EPHA6: variants seen among roughly 807,000 people sequenced by gnomAD.
EPHA6 encodes EPH receptor A6.
EPHA6 carries 50 observed loss-of-function variants against 112.0 expected under a neutral mutation model. The ratio of observed to expected loss-of-function variants is 0.45; its 90% CI spans 0.36 to 0.56. The LOEUF (loss-of-function observed/expected upper bound fraction) is 0.56. Among genes scored for constraint, EPHA6 ranks in the 20% least tolerant of loss-of-function variants. The pLI, the probability that EPHA6 is intolerant of heterozygous loss-of-function variation, is 0.00. For missense variants in EPHA6, 1,280 were observed against 1,417.4 expected (o/e 0.90, Z 1.56); for synonymous variants, 529 against 490.7 (o/e 1.08, Z -1.03).
intron 14 of EPHA6, among the ~76,000 whole-genome samples, chr3:97,667,042 T>C (rs1013131617): frequency 6.6e-6 from 1 of 152,226 alleles, no homozygotes; most frequent in Non-Finnish European, 1.5e-5. Context: ...CATTATTTTC[T>C]ACATAATGTA....
In EPHA6 at chr3:96,899,844, CT is replaced by C. The variant is rs148310300; in HGVS notation, c.450+32964del. On this transcript the variant is annotated intron_variant, in intron 2 of 17. Coordinates refer to ENST00000389672, the MANE Select transcript of EPHA6 (RefSeq NM_001080448.3). ...CATAGGGATTTTGGAAATCTGCACA[CT>C]TTTTTTTTCCAATTTCAGGAAATAA... Among the ~76,000 whole-genome samples the C allele has an allele frequency of 1.5e-4, 22 of 151,508 alleles. No homozygotes were observed. In the East Asian group the frequency reaches 3.5e-3, roughly 24 times the overall value.
At chr3:97,329,604 A>G (rs1284542021) in intron 5 of EPHA6, among the ~76,000 whole-genome samples, 5 of 152,030 alleles carry the variant, frequency 3.3e-5, no homozygotes, top group Non-Finnish European at 7.3e-5. Flanking sequence ...TTTTGGCTGC[A>G]TAAATGTCTT....
chr3:97,503,336 T>A (rs2092171865), intron 10 of EPHA6, among the ~76,000 whole-genome samples: 1 of 152,152 alleles, frequency 6.6e-6, no homozygotes, highest in Non-Finnish European at 1.5e-5. Context: ...TTACACAAAT[T>A]CAAATAATAT....
chr3:97,401,687 A>T (rs900365864), intron 5 of EPHA6, among the ~76,000 whole-genome samples: 1 of 150,812 alleles, frequency 6.6e-6, no homozygotes, highest in Non-Finnish European at 1.5e-5. Context: ...GATCTTTATT[A>T]TTTCTTTTCT....
rs532219475 is a variant in EPHA6 at position 97,444,127 on chromosome 3, G to A, written c.1732-4441G>A. Among the ~76,000 whole-genome samples the A allele has an allele frequency of 3.3e-5, 5 of 152,168 alleles. No individual in the cohort carries two copies. In the East Asian group the frequency reaches 9.6e-4, roughly 29 times the overall value. ...ATGAAAACACCTTGTAAATTGTAAAGCTCTACATAAATCATTGTTATTATG... is the reference window on the plus strand; with the variant it reads ...ATGAAAACACCTTGTAAATTGTAAAACTCTACATAAATCATTGTTATTATG... On this transcript the variant is annotated intron_variant, in intron 6 of 17. Transcript: ENST00000389672.
intron 3 of EPHA6, among the ~76,000 whole-genome samples, chr3:97,175,137 C>G (rs538366662): frequency 1.3e-5 from 2 of 152,022 alleles, no homozygotes; most frequent in South Asian, 4.2e-4. Context: ...ATTCCCAGCA[C>G]CATTTGTTGA....
chr3:97,112,902 ATTTCC>A (rs2047767262), intron 3 of EPHA6, among the ~76,000 whole-genome samples: 1 of 152,102 alleles, frequency 6.6e-6, no homozygotes, highest in Non-Finnish European at 1.5e-5. Flanking sequence ...TAACTCAGGT[ATTTCC>A]TTAATAACTC....
At chr3:97,159,253 G>C (rs940706713) in intron 3 of EPHA6, among the ~76,000 whole-genome samples, 3 of 152,084 alleles carry the variant, frequency 2.0e-5, no homozygotes, top group Admixed American at 6.6e-5. Context: ...TTGGTAGTCA[G>C]GATCAATCCC....
chr3:96,833,330 C>T (rs1576089343), intron 1 of EPHA6, among the ~76,000 whole-genome samples: 1 of 151,566 alleles, frequency 6.6e-6, no homozygotes, highest in Middle Eastern at 3.4e-3. Context: ...CAGAAAGCCA[C>T]ACAAAAAACT....
chr3:97,166,134 A>C (rs2076535997), intron 3 of EPHA6, among the ~76,000 whole-genome samples: 1 of 152,144 alleles, frequency 6.6e-6, no homozygotes, highest in Admixed American at 6.6e-5. Flanking sequence ...AGGAAGTTTT[A>C]ATTTAATGGA....
chr3:96,939,149 T>C (rs1479081712), intron 2 of EPHA6, among the ~76,000 whole-genome samples: 1 of 152,198 alleles, frequency 6.6e-6, no homozygotes, highest in Non-Finnish European at 1.5e-5. Context: ...TTCCCTCTTT[T>C]TCTGTTGATT....
intron 14 of EPHA6, among the ~76,000 whole-genome samples, chr3:97,712,071 T>A (rs2033995095): frequency 6.6e-6 from 1 of 152,232 alleles, no homozygotes; most frequent in Admixed American, 6.5e-5. Flanking sequence ...ATTAAATATC[T>A]CAATATTAAC....
At chr3:97,109,940 G>A (rs2047674797) in intron 3 of EPHA6, among the ~76,000 whole-genome samples, 1 of 151,994 alleles carries the variant, frequency 6.6e-6, no homozygotes, top group Admixed American at 6.6e-5. Flanking sequence ...TGGGTTATAT[G>A]GGAGGCATCA....
intron 3 of EPHA6, among the ~76,000 whole-genome samples, chr3:97,044,591 A>T (rs1167465051): frequency 1.3e-5 from 2 of 152,174 alleles, no homozygotes; most frequent in African/African-American, 4.8e-5. Flanking sequence ...TAACATAAAG[A>T]TACCCATCAA....
At chr3:97,273,108 C>T (rs1477828276) in intron 5 of EPHA6, among the ~76,000 whole-genome samples, 2 of 151,814 alleles carry the variant, frequency 1.3e-5, no homozygotes, top group Non-Finnish European at 2.9e-5. Context: ...TTGGTGATGG[C>T]CTGGATATGG....
chr3:96,816,598 A>G lies in EPHA6; in HGVS notation c.385+1590A>G, dbSNP rs992910807. Among the ~76,000 whole-genome samples the G allele has an allele frequency of 3.9e-5, 6 of 152,158 alleles. No individual in the cohort carries two copies. In the South Asian group the frequency reaches 8.3e-4, roughly 21 times the overall value. On this transcript the variant is annotated intron_variant, in intron 1 of 17. Coordinates refer to ENST00000389672, the MANE Select transcript of EPHA6 (RefSeq NM_001080448.3). ...ATAGTAAGTAAGGATACTAGAGATG[A>G]ATACTTTGAGAGTCAAGTGTACTAG... is the stretch of plus-strand genomic sequence containing the variant.
chr3:96,848,960 C>T (rs2035235464), intron 1 of EPHA6, among the ~76,000 whole-genome samples: 1 of 151,962 alleles, frequency 6.6e-6, no homozygotes, highest in African/African-American at 2.4e-5. Context: ...GTCTATGTAA[C>T]TTAACACAGT....
intron 2 of EPHA6, among the ~76,000 whole-genome samples, chr3:96,982,887 T>G (rs2107826750): frequency 6.6e-6 from 1 of 152,336 alleles, no homozygotes; most frequent in African/African-American, 2.4e-5. Flanking sequence ...CCCTGCCTTT[T>G]TTTGTTTTCC....
chr3:96,959,094 A>G (rs1576170919), intron 2 of EPHA6, among the ~76,000 whole-genome samples: 1 of 152,198 alleles, frequency 6.6e-6, no homozygotes, highest in Non-Finnish European at 1.5e-5. Context: ...TCTGTTTTCT[A>G]AAGTGACTGT....
Sources: gnomAD v4.1 joint callset for allele counts (sites outside exome capture counted in the v4.1 genomes callset) on GRCh38, gnomAD v4.1.1 for gene constraint, MANE v1.5 for transcripts, NCBI Gene and HGNC (gene_info 2026-07-23, HGNC 2026-07-21) for gene names.